The following APH1B variants were observed in gnomAD, a reference collection of about 807,000 sequenced individuals.
The protein encoded by APH1B is aph-1B gamma-secretase subunit, also known as gamma-secretase subunit APH-1B.
In APH1B, 27 loss-of-function variants were observed where a neutral mutation model predicts 28.2. The observed-to-expected ratio is 0.96, with a 90% CI of 0.70 to 1.32. The LOEUF is 1.32. Ranked by LOEUF, APH1B falls within the 40% of genes most tolerant of loss-of-function variation. The pLI, the probability that APH1B is intolerant of heterozygous loss-of-function variation, is 0.00. For missense variants in APH1B, 305 were observed against 313.6 expected (o/e 0.97, Z 0.21); for synonymous variants, 141 against 124.6 (o/e 1.13, Z -0.88).
At chr15:63,281,669 A>G (rs1199249852) in intron 2 of APH1B, among the ~76,000 whole-genome samples, 1 of 151,860 alleles carries the variant, frequency 6.6e-6, no homozygotes, top group African/African-American at 2.4e-5. Context: ...TTGCATCTTC[A>G]TGGTTTCCAC....
Position 63,291,510 on chromosome 15 carries a change from T to C in APH1B, c.478+3964T>C, listed in dbSNP as rs111775717. 6.1e-3 allele frequency among the ~76,000 whole-genome samples: 925 copies of C among 152,328 alleles called. 13 individuals carry two copies. Among genetic ancestry groups the C allele is most frequent in the African/African-American group, 0.02 (837 of 41,570 alleles). ...ATGGAGTGTTGTATTGTTCCAAGCA[T>C]TGTGATTTAACAGGAATACTGAAGA... On this transcript the variant is annotated intron_variant, in intron 4 of 5. Transcript: ENST00000261879.
chr15:63,285,031 A>G (rs2092512720), intron 2 of APH1B, among the ~76,000 whole-genome samples: 1 of 152,190 alleles, frequency 6.6e-6, no homozygotes, highest in African/African-American at 2.4e-5. Flanking sequence ...AAAATTGGAC[A>G]TTTTAGTTGG....
chr15:63,302,933 C>T (rs936326115), intron 5 of APH1B, among the ~76,000 whole-genome samples: 44 of 152,118 alleles, frequency 2.9e-4, no homozygotes, highest in Admixed American at 2.8e-3. Flanking sequence ...CTTCAATCTT[C>T]GTATCCTCAA....
chr15:63,289,816 AATATAGTGAGACCTTGTCT>A, intron 4 of APH1B, among the ~76,000 whole-genome samples: 1 of 152,222 alleles, frequency 6.6e-6, no homozygotes, highest in Non-Finnish European at 1.5e-5. Flanking sequence ...CAGCCTGGGC[AATATAGTGAGACCTTGTCT>A]CTACTAAAAA....
chr15:63,297,334 C>T (rs936852385), intron 4 of APH1B, among the ~76,000 whole-genome samples: 1 of 152,070 alleles, frequency 6.6e-6, no homozygotes, highest in African/African-American at 2.4e-5. Flanking sequence ...TGAGACCAGC[C>T]TGGGCAACAT....
chr15:63,286,778 C>T (rs2038451572), intron 3 of APH1B, 150 bp downstream of exon 3: 2 of 686,324 alleles, frequency 2.9e-6, no homozygotes, highest in Non-Finnish European at 2.3e-6. Context: ...TCCCCGTCTT[C>T]CAGGTTCCTT....
Position 63,305,594 on chromosome 15 carries a change from GATTT to G in APH1B, c.607-15_607-12del, listed in dbSNP as rs764308829. On this transcript the variant is annotated splice_polypyrimidine_tract_variant and intron_variant, in intron 5 of 5. Coordinates refer to ENST00000261879, the MANE Select transcript of APH1B (RefSeq NM_031301.4). ...TAAGCTTGCTGTTATTACCCAAGCT[GATTT>G]ATTTTTCTTTTGCAGACCTTCATAA... is the stretch of plus-strand genomic sequence containing the variant. 3.8e-5 allele frequency: 62 copies of G among 1,612,566 alleles called. No individual in the cohort carries two copies. Among genetic ancestry groups the G allele is most frequent in the Non-Finnish European group, 4.8e-5 (57 of 1,179,440 alleles).
chr15:63,284,328 C>T (rs1003975147), intron 2 of APH1B, among the ~76,000 whole-genome samples: 4 of 151,978 alleles, frequency 2.6e-5, no homozygotes, highest in Non-Finnish European at 5.9e-5. Context: ...ATCCTCCCAC[C>T]TCAGCCTCCC....
chr15:63,302,328 G>T lies in APH1B; in HGVS notation c.479-17G>T, dbSNP rs199686316. The T allele has an allele frequency of 2.5e-6, 4 of 1,612,762 alleles. No homozygotes were observed. The Admixed American group carries it at 5.0e-5, about 20-fold the overall frequency. On this transcript the variant is annotated splice_polypyrimidine_tract_variant and intron_variant, in intron 4 of 5. Transcript: ENST00000261879. ...TGATACCTGTAGGAGTGACACTAATGGTCGGCTCTCTTTCAGCTTTCATGA... is the reference window on the plus strand; with the variant it reads ...TGATACCTGTAGGAGTGACACTAATTGTCGGCTCTCTTTCAGCTTTCATGA...
chr15:63,288,203 G>T (rs1052100173), intron 4 of APH1B, among the ~76,000 whole-genome samples: 1 of 152,264 alleles, frequency 6.6e-6, no homozygotes, highest in Admixed American at 6.5e-5. Flanking sequence ...TGAAATAACT[G>T]AGTTCACATC....
At position 63,277,897 on chromosome 15, in the gene APH1B, C is replaced by A. The variant is rs971887892; in HGVS notation, c.113+161C>A. The A allele has an allele frequency of 2.5e-5, 18 of 705,988 alleles. No homozygotes were observed. The African/African-American group carries it at 2.6e-4, about 10-fold the overall frequency. The allele number at this position is 705,988 out of a possible 1,614,324, so 43.7% of individuals were successfully genotyped here. On this transcript the variant is annotated intron_variant, in intron 1 of 5. Transcript: ENST00000261879. The stretch of plus-strand genomic sequence containing the variant: ...GCGGAGATCCGGCTCCCCAAAGGCG[C>A]CTCGCCCTCTTAGGAAGAAGCGCAC...
At chr15:63,296,610 TG>T (rs2038570588) in intron 4 of APH1B, among the ~76,000 whole-genome samples, 3 of 151,934 alleles carry the variant, frequency 2.0e-5, no homozygotes, top group African/African-American at 4.8e-5. Context: ...TTAGAGCATT[TG>T]GGGTATATTC....
At chr15:63,289,376 C>T (rs914105317) in intron 4 of APH1B, among the ~76,000 whole-genome samples, 4 of 152,214 alleles carry the variant, frequency 2.6e-5, no homozygotes, top group Non-Finnish European at 4.4e-5. Flanking sequence ...TTTATTTAGA[C>T]ACAACTCATT....
At chr15:63,301,618 G>A (rs1490256104) in intron 4 of APH1B, among the ~76,000 whole-genome samples, 9 of 146,122 alleles carry the variant, frequency 6.2e-5, no homozygotes, top group Non-Finnish European at 1.4e-4. Context: ...TTTTTGCTCT[G>A]TTGCCGAGGC....
Position 63,307,457 on chromosome 15 carries a change from A to G in APH1B, c.*1676A>G, listed in dbSNP as rs911229410. ...TAAGCGACTGTGGTTATTCCCCTAA[A>G]GTTTACTTCAGCACTAACACTAGTG... On this transcript the variant is annotated 3_prime_UTR_variant, in exon 6 of 6. Transcript: ENST00000261879. 2.6e-5 allele frequency: 4 copies of G among 152,206 alleles called. No homozygotes were observed. The highest frequency in any genetic ancestry group is 9.6e-5 in the African/African-American group (4 of 41,460). The allele number at this position is 152,206 out of a possible 1,614,324, so 9.4% of individuals were successfully genotyped here.
intron 4 of APH1B, among the ~76,000 whole-genome samples, 170 bp downstream of exon 4, chr15:63,287,716 T>C (rs746183817): frequency 1.3e-5 from 2 of 152,186 alleles, no homozygotes; most frequent in African/African-American, 2.4e-5. Context: ...AAAATTCTGG[T>C]TAGAGTGTTT....
intron 5 of APH1B, 136 bp downstream of exon 5, chr15:63,302,608 T>G (rs1284317475): frequency 1.7e-5 from 21 of 1,211,826 alleles, no homozygotes; most frequent in African/African-American, 7.7e-5. Flanking sequence ...AGTGAATGAA[T>G]GAGTCATGTA....
At position 63,279,691 on chromosome 15, in the gene APH1B, GGTAA is replaced by G. The variant is rs1283787111; in HGVS notation, c.284+363_284+366del. Among the ~76,000 whole-genome samples, 6 of 152,178 alleles carry G rather than the reference GGTAA, an allele frequency of 3.9e-5. No individual in the cohort carries two copies. In the East Asian group the frequency reaches 7.7e-4, roughly 20 times the overall value. ...GAACAAGAAATACACTGGTATAGTA[GGTAA>G]GTGTCATGGAGACAAACAAGCTAGG... On this transcript the variant is annotated intron_variant, in intron 2 of 5. Coordinates refer to ENST00000261879, the MANE Select transcript of APH1B (RefSeq NM_031301.4).
intron 4 of APH1B, among the ~76,000 whole-genome samples, chr15:63,296,365 C>G (rs2038567777): frequency 6.6e-6 from 1 of 152,234 alleles, no homozygotes; most frequent in African/African-American, 2.4e-5. Context: ...GGGAAGTCCT[C>G]CTTTGTCTGT....
Sources: allele counts gnomAD v4.1 joint callset (sites outside exome capture counted in the v4.1 genomes callset), GRCh38; gene constraint gnomAD v4.1.1; transcripts MANE v1.5; gene names NCBI Gene and HGNC (gene_info 2026-07-23, HGNC 2026-07-21).